The following ASB18 variants were observed in gnomAD, a reference collection of about 807,000 sequenced individuals.
The protein encoded by ASB18 is ankyrin repeat and SOCS box protein 18.
ASB18 carries 33 observed loss-of-function variants against 33.4 expected under a neutral mutation model. That is an observed-to-expected ratio of 0.99 (90% CI 0.75 to 1.32). The LOEUF (loss-of-function observed/expected upper bound fraction) is 1.32, where lower values mean the gene tolerates loss of function less well. Among genes scored for constraint, ASB18 ranks in the 40% most tolerant of loss-of-function variants. ASB18 has a pLI of 0.00. For missense variants in ASB18, 694 were observed against 655.5 expected (o/e 1.06, Z -0.64); for synonymous variants, 295 against 307.6 (o/e 0.96, Z 0.43).
rs1291150120 is a variant in ASB18, at chr2:236,217,422, A to AAAAAAT, written c.597-2562_597-2557dup. Among the ~76,000 whole-genome samples the AAAAAAT allele has an allele frequency of 9.9e-4, 122 of 123,404 alleles. No individual in the cohort carries two copies. The highest frequency in any genetic ancestry group is 5.0e-3 in the African/African-American group (118 of 23,532). The allele number at this position is 123,404 out of a possible 152,430, so 81.0% of individuals were successfully genotyped here. A position where few individuals can be genotyped will look rare whatever the true frequency, so the allele number is the denominator to read the frequency against. ...AGCGAGACTCTGTCTCAAAAAAAAAAAAAAATAAATCTTGGCACCTTCAAC... is the reference window on the plus strand; with the variant it reads ...AGCGAGACTCTGTCTCAAAAAAAAAAAAAAATAAAAATAAATCTTGGCACCTTCAAC... On this transcript the variant is annotated intron_variant, in intron 3 of 5. Coordinates refer to ENST00000409749, the MANE Select transcript of ASB18 (RefSeq NM_212556.4). This position sits in a 1 kb window ranked among gnomAD's most constrained non-coding sequence, Gnocchi z 5.2.
Position 236,220,178 on chromosome 2 carries a change from G to A in ASB18, c.597-5312C>T, listed in dbSNP as rs1289802048. Among the ~76,000 whole-genome samples, 3 of 152,166 alleles carry A rather than the reference G, an allele frequency of 2.0e-5. No homozygotes were observed. Among genetic ancestry groups the A allele is most frequent in the Non-Finnish European group, 4.4e-5 (3 of 68,032 alleles). On this transcript the variant is annotated intron_variant, in intron 3 of 5. Transcript: ENST00000409749. The surrounding 1 kb of genome is among the most constrained non-coding windows in gnomAD (Gnocchi z 5.1). ...CCAATTCATGTCTATGGGGTGGGGG[G>A]ATGTGGGACTTTGGCCACTCCCTGC...
In ASB18 at chr2:236,259,749, G is replaced by A. The variant is rs1225150001; in HGVS notation, c.205+4392C>T. ...GCAGGAGAGCAGGTGCCTTCACAAG[G>A]GCACAGGCCAGTTGCCTGTTTAAGA... is the stretch of plus-strand genomic sequence containing the variant. On this transcript the variant is annotated intron_variant, in intron 1 of 5. Transcript: ENST00000409749. The surrounding 1 kb of genome is among the most constrained non-coding windows in gnomAD (Gnocchi z 4.4). 9 of 359,470 alleles carry A rather than the reference G, an allele frequency of 2.5e-5. No homozygotes were observed. Among genetic ancestry groups the A allele is most frequent in the Non-Finnish European group, 4.5e-5 (8 of 178,018 alleles). The allele number at this position is 359,470 out of a possible 1,614,324, so 22.3% of individuals were successfully genotyped here. A position where few individuals can be genotyped will look rare whatever the true frequency, so the allele number is the denominator to read the frequency against.
In ASB18 at chr2:236,220,216, C is replaced by T. The variant is rs1332651815; in HGVS notation, c.597-5350G>A. On this transcript the variant is annotated intron_variant, in intron 3 of 5. Coordinates refer to ENST00000409749, the MANE Select transcript of ASB18 (RefSeq NM_212556.4). This position sits in a 1 kb window ranked among gnomAD's most constrained non-coding sequence, Gnocchi z 5.1. ...GGCCACTCCCTGCACACCCTCCCAT[C>T]CACCCTCCAGCACCTTCCCAAAGCA... 5.3e-5 allele frequency among the ~76,000 whole-genome samples: 8 copies of T among 152,234 alleles called. No individual in the cohort carries two copies. The highest frequency in any genetic ancestry group is 4.6e-4 in the Admixed American group (7 of 15,290).
chr2:236,202,777 CA>C (rs34973734), intron 4 of ASB18, among the ~76,000 whole-genome samples: 2,007 of 68,726 alleles, frequency 0.029, 38 homozygotes, highest in Middle Eastern at 0.055. Flanking sequence ...GACTCCGTCT[CA>C]AAAAAAAAAA....
rs990043681 is a variant in ASB18, at chr2:236,256,481, T to C, written c.205+7660A>G. Among the ~76,000 whole-genome samples, 1 of 152,156 alleles carries C rather than the reference T, an allele frequency of 6.6e-6. No homozygotes were observed. Among genetic ancestry groups the C allele is most frequent in the African/African-American group, 2.4e-5 (1 of 41,428 alleles). On this transcript the variant is annotated intron_variant, in intron 1 of 5. Coordinates refer to ENST00000409749, the MANE Select transcript of ASB18 (RefSeq NM_212556.4). This position sits in a 1 kb window ranked among gnomAD's most constrained non-coding sequence, Gnocchi z 4.7. ...AGGCTACAGAGAGCATGCCTGCCAT[T>C]TCCAATTAGTTCCTTCGGAATGTTT...
At position 236,239,378 on chromosome 2, in the gene ASB18, C is replaced by T. The variant is rs1187606956; in HGVS notation, c.329-1422G>A. 1.3e-5 allele frequency among the ~76,000 whole-genome samples: 2 copies of T among 152,012 alleles called. No individual in the cohort carries two copies. ...AGAAGCCATAGGTGGGGATCTAGCTCAGCCACAGTGTGGGCCAGCACCGTC... is the reference window on the plus strand; with the variant it reads ...AGAAGCCATAGGTGGGGATCTAGCTTAGCCACAGTGTGGGCCAGCACCGTC... On this transcript the variant is annotated intron_variant, in intron 2 of 5. Transcript: ENST00000409749. The surrounding 1 kb of genome is among the most constrained non-coding windows in gnomAD (Gnocchi z 5.6).
chr2:236,198,210 G>A (rs925203280), intron 4 of ASB18, among the ~76,000 whole-genome samples: 18 of 152,264 alleles, frequency 1.2e-4, no homozygotes, highest in African/African-American at 4.1e-4. Context: ...CCTCTGGCTA[G>A]AGGTAACTAC....
In ASB18 at chr2:236,245,025, A is replaced by C. The variant is rs1012880232; in HGVS notation, c.206-3623T>G. On this transcript the variant is annotated intron_variant, in intron 1 of 5. Transcript: ENST00000409749. The surrounding 1 kb of genome is among the most constrained non-coding windows in gnomAD (Gnocchi z 4.7). ...GTTTGGCAGTCTATGATGCAGGGGGATAAGGGACAGAGGCTGTGCTGTGAA... is the reference window on the plus strand; with the variant it reads ...GTTTGGCAGTCTATGATGCAGGGGGCTAAGGGACAGAGGCTGTGCTGTGAA... 3.9e-5 allele frequency among the ~76,000 whole-genome samples: 6 copies of C among 152,040 alleles called. No homozygotes were observed.
rs1458427523 is a variant in ASB18, at chr2:236,237,716, TGCAGAGGC to T, written c.561_568del (p.His190ProfsTer209). The T allele has an allele frequency of 6.9e-7, 1 of 1,458,898 alleles. No individual in the cohort carries two copies. Among genetic ancestry groups the T allele is most frequent in the African/African-American group, 1.5e-5 (1 of 67,506 alleles). 90.4% of individuals were successfully genotyped at this position (1,458,898 alleles called of 1,614,324 possible). ...GAGCGAGGCGGCCGTGCGGCAGAGG[TGCAGAGGC>T]GCCAGGCCCTCGGCGCTGAGCAGGT... On this transcript the variant is annotated frameshift_variant, in exon 3 of 6. Transcript: ENST00000409749. LOFTEE classifies it high-confidence loss of function. This position sits in a 1 kb window ranked among gnomAD's most constrained non-coding sequence, Gnocchi z 6.2.
In ASB18 at chr2:236,223,625, A is replaced by G. The variant is rs2060523076; in HGVS notation, c.597-8759T>C. ...TGAATTTCAACAAAGGAATATACCTATGTAACCAATACCTCAATGAAGACA... is the reference window on the plus strand; with the variant it reads ...TGAATTTCAACAAAGGAATATACCTGTGTAACCAATACCTCAATGAAGACA... On this transcript the variant is annotated intron_variant, in intron 3 of 5. Coordinates refer to ENST00000409749, the MANE Select transcript of ASB18 (RefSeq NM_212556.4). This position sits in a 1 kb window ranked among gnomAD's most constrained non-coding sequence, Gnocchi z 4.6. 6.6e-6 allele frequency among the ~76,000 whole-genome samples: 1 copy of G among 152,206 alleles called. No individual in the cohort carries two copies. Among genetic ancestry groups the G allele is most frequent in the Admixed American group, 6.5e-5 (1 of 15,282 alleles).
rs900131994 is a variant in ASB18, at chr2:236,255,861, T to C, written c.205+8280A>G. Among the ~76,000 whole-genome samples, 2 of 152,126 alleles carry C rather than the reference T, an allele frequency of 1.3e-5. No homozygotes were observed. The highest frequency in any genetic ancestry group is 2.4e-5 in the African/African-American group (1 of 41,428). Reference sequence around the variant, plus strand: ...CCTGTCCCACGTGCCATGCCTTGGGTGCACTACGTTTCCTGCTCGCCTCCC... The same window carrying C: ...CCTGTCCCACGTGCCATGCCTTGGGCGCACTACGTTTCCTGCTCGCCTCCC... On this transcript the variant is annotated intron_variant, in intron 1 of 5. Coordinates refer to ENST00000409749, the MANE Select transcript of ASB18 (RefSeq NM_212556.4). The surrounding 1 kb of genome is among the most constrained non-coding windows in gnomAD (Gnocchi z 4.4).
intron 1 of ASB18, among the ~76,000 whole-genome samples, chr2:236,242,785 G>T (rs2060626933): frequency 6.7e-6 from 1 of 150,160 alleles, no homozygotes; most frequent in South Asian, 2.1e-4. Flanking sequence ...ACTTTGGGAG[G>T]TCGAGGTGGG....
chr2:236,214,624 A>C lies in ASB18; in HGVS notation c.839T>G (p.Leu280Arg), dbSNP rs1334354875. Residue 280 changes from leucine to arginine, a missense_variant, in exon 4 of 6, where the codon CTG (leucine) becomes CGG (arginine). Leu to Arg is a moderately radical substitution (Grantham distance 102, BLOSUM62 -2). Transcript: ENST00000409749. The surrounding 1 kb of genome is among the most constrained non-coding windows in gnomAD (Gnocchi z 6.5). ...GRCLRLCALL[L>R]RRGAEADARD... ...CGCGTCCGCCTCCGCCCCGCGCCGC[A>C]GCAGCAGCGCGCACAGGCGCAGGCA... 2.5e-6 allele frequency: 3 copies of C among 1,194,934 alleles called. No homozygotes were observed. Among genetic ancestry groups the C allele is most frequent in the African/African-American group, 1.6e-5 (1 of 61,740 alleles). The allele number at this position is 1,194,934 out of a possible 1,614,324, so 74.0% of individuals were successfully genotyped here. A position where few individuals can be genotyped will look rare whatever the true frequency, so the allele number is the denominator to read the frequency against.
Position 236,257,242 on chromosome 2 carries a change from G to A in ASB18, c.205+6899C>T, listed in dbSNP as rs1290134772. Among the ~76,000 whole-genome samples, 1 of 152,202 alleles carries A rather than the reference G, an allele frequency of 6.6e-6. No homozygotes were observed. Among genetic ancestry groups the A allele is most frequent in the African/African-American group, 2.4e-5 (1 of 41,448 alleles). On this transcript the variant is annotated intron_variant, in intron 1 of 5. Coordinates refer to ENST00000409749, the MANE Select transcript of ASB18 (RefSeq NM_212556.4). This position sits in a 1 kb window ranked among gnomAD's most constrained non-coding sequence, Gnocchi z 5.5. ...AAGTAATAAGAGCAATGCTCAGGCT[G>A]GTGGTGGGATAGTGTCATTAGGTGC...
rs1265356221 is a variant in ASB18 at position 236,237,411 on chromosome 2, CGGGGGCCGGGGCCGGGGCGCG to C, written c.596+257_596+277del. The stretch of plus-strand genomic sequence containing the variant: ...CGGGGGCCGGGGCCGGGGCGCGGGG[CGGGGGCCGGGGCCGGGGCGCG>C]GGGCGAGGGCCGGGAGGTGCCAGGT... On this transcript the variant is annotated intron_variant, in intron 3 of 5. Coordinates refer to ENST00000409749, the MANE Select transcript of ASB18 (RefSeq NM_212556.4). The surrounding 1 kb of genome is among the most constrained non-coding windows in gnomAD (Gnocchi z 6.2). Among the ~76,000 whole-genome samples, 1 of 101,184 alleles carries C rather than the reference CGGGGGCCGGGGCCGGGGCGCG, an allele frequency of 9.9e-6. No individual in the cohort carries two copies. The highest frequency in any genetic ancestry group is 5.4e-5 in the African/African-American group (1 of 18,474). The allele number at this position is 101,184 out of a possible 152,430, so 66.4% of individuals were successfully genotyped here.
At position 236,195,603 on chromosome 2, in the gene ASB18, C is replaced by T. The variant is rs2060368127; in HGVS notation, c.1216-546G>A. On this transcript the variant is annotated intron_variant, in intron 5 of 5. Coordinates refer to ENST00000409749, the MANE Select transcript of ASB18 (RefSeq NM_212556.4). The surrounding 1 kb of genome is among the most constrained non-coding windows in gnomAD (Gnocchi z 5.5). ...TGATCCCAGCTTATTGCACTCTCTG[C>T]CTCCTGGGCTCAAGCGATTCTCCTG... is the stretch of plus-strand genomic sequence containing the variant. Among the ~76,000 whole-genome samples the T allele has an allele frequency of 6.6e-6, 1 of 151,912 alleles. No individual in the cohort carries two copies. Among genetic ancestry groups the T allele is most frequent in the South Asian group, 2.1e-4 (1 of 4,808 alleles).
chr2:236,238,031 G>T lies in ASB18; in HGVS notation c.329-75C>A. On this transcript the variant is annotated intron_variant, in intron 2 of 5. Coordinates refer to ENST00000409749, the MANE Select transcript of ASB18 (RefSeq NM_212556.4). This position sits in a 1 kb window ranked among gnomAD's most constrained non-coding sequence, Gnocchi z 5.2. ...GGTGGTGGGCGGTGTTCCTTAAGGC[G>T]GAAAGAAAGTGAAGCCGTCTCTTAA... 2 of 1,300,920 alleles carry T rather than the reference G, an allele frequency of 1.5e-6. No individual in the cohort carries two copies. The highest frequency in any genetic ancestry group is 2.0e-6 in the Non-Finnish European group (2 of 998,488). The allele number at this position is 1,300,920 out of a possible 1,614,324, so 80.6% of individuals were successfully genotyped here. A position where few individuals can be genotyped will look rare whatever the true frequency, so the allele number is the denominator to read the frequency against.
rs77046552 is a variant in ASB18 at position 236,262,251 on chromosome 2, C to T, written c.205+1890G>A. ...TATGAAGGAAGAGCTGTTGAGAGGA[C>T]GCTTGCTGTAGTCAGGATCCCAACA... On this transcript the variant is annotated intron_variant, in intron 1 of 5. Transcript: ENST00000409749. This position sits in a 1 kb window ranked among gnomAD's most constrained non-coding sequence, Gnocchi z 5.2. 4.5e-4 allele frequency among the ~76,000 whole-genome samples: 68 copies of T among 152,314 alleles called. No individual in the cohort carries two copies. In the East Asian group the frequency reaches 9.3e-3, roughly 21 times the overall value.
intron 1 of ASB18, among the ~76,000 whole-genome samples, chr2:236,254,544 C>T (rs2060683179): frequency 6.6e-6 from 1 of 151,310 alleles, no homozygotes; most frequent in Admixed American, 6.6e-5. Context: ...ATTTTTCCAC[C>T]CTGTTATTAT....
Sources: gnomAD v4.1 joint callset for allele counts (sites outside exome capture counted in the v4.1 genomes callset) on GRCh38, gnomAD v4.1.1 for gene constraint, Gnocchi (gnomAD v3.1) non-coding constraint, MANE v1.5 for transcripts, NCBI Gene and HGNC (gene_info 2026-07-23, HGNC 2026-07-21) for gene names.